ARID4B: variants seen among roughly 807,000 people sequenced by gnomAD.
ARID4B encodes AT-rich interactive domain-containing protein 4B.
Under a neutral mutation model 147.5 loss-of-function variants are expected in ARID4B, and 26 were observed. The observed-to-expected ratio is 0.18, with a 90% CI of 0.13 to 0.24. The LOEUF is 0.24. Ranked by LOEUF, ARID4B falls within the 10% of genes least tolerant of loss-of-function variation. The probability of loss-of-function intolerance (pLI) is 1.00; values close to 1 mark genes in which losing one functional copy is unlikely to be tolerated. For synonymous variants in ARID4B, 512 were observed against 507.9 expected (o/e 1.01, Z -0.11); for missense variants, 1,179 against 1,511.5 (o/e 0.78, Z 3.65).
chr1:235,240,788 C>A (rs1668935070), intron 7 of ARID4B, among the ~76,000 whole-genome samples: 1 of 152,100 alleles, frequency 6.6e-6, no homozygotes, highest in Non-Finnish European at 1.5e-5. Flanking sequence ...TATACACAAT[C>A]CCAATCTCAA....
chr1:235,316,291 T>G (rs1381696753), intron 2 of ARID4B, among the ~76,000 whole-genome samples: 3 of 151,908 alleles, frequency 2.0e-5, no homozygotes, highest in Admixed American at 2.0e-4. Context: ...GCGGATCACT[T>G]GAGGTCAGGA....
At chr1:235,296,585 G>C (rs139029798) in intron 2 of ARID4B, among the ~76,000 whole-genome samples, 153 of 151,722 alleles carry the variant, frequency 1.0e-3, no homozygotes, top group Non-Finnish European at 1.5e-3. Flanking sequence ...ATCTTCCCAA[G>C]TAGTTGGGAC....
chr1:235,249,986 A>G (rs1669542462), intron 6 of ARID4B, among the ~76,000 whole-genome samples: 1 of 151,020 alleles, frequency 6.6e-6, no homozygotes, highest in African/African-American at 2.4e-5. Flanking sequence ...AGGTGCCTGT[A>G]GTTCCAGCTA....
chr1:235,318,698 T>C (rs779186302), intron 2 of ARID4B, among the ~76,000 whole-genome samples: 12 of 152,058 alleles, frequency 7.9e-5, no homozygotes, highest in South Asian at 2.1e-4. Context: ...CTAGGGAACA[T>C]AGTGAGACTT....
chr1:235,251,302 T>C (rs1029019962), intron 6 of ARID4B, among the ~76,000 whole-genome samples: 2 of 149,620 alleles, frequency 1.3e-5, no homozygotes, highest in Non-Finnish European at 3.0e-5. Context: ...ACGAAAGACA[T>C]AGAGGAGGAA....
intron 2 of ARID4B, among the ~76,000 whole-genome samples, chr1:235,322,512 G>T (rs192410843): frequency 1.3e-5 from 2 of 152,094 alleles, no homozygotes; most frequent in Non-Finnish European, 2.9e-5. Flanking sequence ...TCTTTGCCTA[G>T]CAAAAGCCTT....
chr1:235,249,216 CCA>C (rs1438905191), intron 6 of ARID4B, among the ~76,000 whole-genome samples: 12 of 151,966 alleles, frequency 7.9e-5, no homozygotes, highest in African/African-American at 2.9e-4. Context: ...GCCTGTAGTC[CCA>C]GATACTCAAG....
At position 235,174,055 on chromosome 1, in the gene ARID4B, T is replaced by TC. The variant is rs1307699392; in HGVS notation, c.3664+1128dup. ...TATCAGAAGTATCTTTTTTTTTTTT[T>TC]CTGGGATGGGGTCTCACTCTGTCGC... On this transcript the variant is annotated intron_variant, in intron 22 of 23. Coordinates refer to ENST00000264183, the MANE Select transcript of ARID4B (RefSeq NM_016374.6). 2.6e-5 allele frequency among the ~76,000 whole-genome samples: 4 copies of TC among 151,468 alleles called. No individual in the cohort carries two copies. The East Asian group carries it at 7.8e-4, about 29-fold the overall frequency.
intron 21 of ARID4B, chr1:235,177,559 T>C (rs1046724915): frequency 1.2e-5 from 4 of 331,166 alleles, no homozygotes; most frequent in East Asian, 1.0e-4. Context: ...ATGTGCCATG[T>C]TGGTTTGCTG....
intron 22 of ARID4B, among the ~76,000 whole-genome samples, chr1:235,173,341 C>T (rs1663507340): frequency 6.6e-6 from 1 of 152,036 alleles, no homozygotes; most frequent in Non-Finnish European, 1.5e-5. Flanking sequence ...GAGACTCTGT[C>T]TAAAAATAAC....
chr1:235,170,923 A>C (rs1319490829), intron 23 of ARID4B, among the ~76,000 whole-genome samples: 1 of 150,984 alleles, frequency 6.6e-6, no homozygotes, highest in Non-Finnish European at 1.5e-5. Flanking sequence ...AAAAAAAAAA[A>C]AAAAAAAAAA....
chr1:235,296,841 GGAA>G (rs1241615584), intron 2 of ARID4B, among the ~76,000 whole-genome samples: 7 of 49,908 alleles, frequency 1.4e-4, no homozygotes, highest in Non-Finnish European at 2.0e-4. Flanking sequence ...AAGGAAGGGA[GGAA>G]GGAGGGAGGG....
rs769316859 is a variant in ARID4B at position 235,168,519 on chromosome 1, C to T, written c.*6G>A. 10 of 1,613,646 alleles carry T rather than the reference C, an allele frequency of 6.2e-6. No homozygotes were observed. Among genetic ancestry groups the T allele is most frequent in the African/African-American group, 1.3e-5 (1 of 74,898 alleles). ...TAAGTGCAAAGTGCTTTAGCAAGTC[C>T]TGCTGTCACCTGCACTCAACTGACA... On this transcript the variant is annotated 3_prime_UTR_variant, in exon 24 of 24. Transcript: ENST00000264183.
At chr1:235,177,102 A>T (rs1385740389) in intron 21 of ARID4B, among the ~76,000 whole-genome samples, 1 of 152,228 alleles carries the variant, frequency 6.6e-6, no homozygotes, top group Non-Finnish European at 1.5e-5. Context: ...AGTACCAAAG[A>T]CAAATGTTGT....
chr1:235,252,353 T>G (rs758439631), intron 6 of ARID4B, among the ~76,000 whole-genome samples: 3 of 152,184 alleles, frequency 2.0e-5, no homozygotes, highest in African/African-American at 7.2e-5. Context: ...CTAATAGCAG[T>G]AGCAGTAGTT....
At chr1:235,204,318 C>A (rs1666166640) in intron 17 of ARID4B, among the ~76,000 whole-genome samples, 1 of 152,060 alleles carries the variant, frequency 6.6e-6, no homozygotes, top group Admixed American at 6.6e-5. Context: ...CGAAACTCCG[C>A]TTCAAAATAA....
At chr1:235,269,513 A>G (rs1670831586) in intron 2 of ARID4B, among the ~76,000 whole-genome samples, 1 of 152,242 alleles carries the variant, frequency 6.6e-6, no homozygotes. Context: ...TCTATTTATC[A>G]GGAATTACAC....
intron 2 of ARID4B, among the ~76,000 whole-genome samples, chr1:235,284,879 T>C (rs1007779137): frequency 6.6e-6 from 1 of 151,530 alleles, no homozygotes; most frequent in South Asian, 2.1e-4. Flanking sequence ...CCAATATCCC[T>C]CATGAGCAAA....
At position 235,194,305 on chromosome 1, in the gene ARID4B, G is replaced by A. The variant is rs1307240922; in HGVS notation, c.1927-94C>T. 4.3e-6 allele frequency: 4 copies of A among 925,762 alleles called. No homozygotes were observed. In the East Asian group the frequency reaches 7.9e-5, roughly 18 times the overall value. The allele number at this position is 925,762 out of a possible 1,614,324, so 57.3% of individuals were successfully genotyped here. A position where few individuals can be genotyped will look rare whatever the true frequency, so the allele number is the denominator to read the frequency against. On this transcript the variant is annotated intron_variant, in intron 18 of 23. Coordinates refer to ENST00000264183, the MANE Select transcript of ARID4B (RefSeq NM_016374.6). ...CTTTTAACTCACTATTACAGAATATGTTGTTAAATATTTAACATAAAAAGA... is the reference window on the plus strand; with the variant it reads ...CTTTTAACTCACTATTACAGAATATATTGTTAAATATTTAACATAAAAAGA...
Sources: gnomAD v4.1 joint callset for allele counts (sites outside exome capture counted in the v4.1 genomes callset) on GRCh38, gnomAD v4.1.1 for gene constraint, MANE v1.5 for transcripts, NCBI Gene and HGNC (gene_info 2026-07-23, HGNC 2026-07-21) for gene names.